The following CNTN1 variants were observed in gnomAD, a reference collection of about 807,000 sequenced individuals.
CNTN1 encodes contactin-1.
In CNTN1, 38 loss-of-function variants were observed where a neutral mutation model predicts 126.4. The ratio of observed to expected loss-of-function variants is 0.30; its 90% CI spans 0.23 to 0.39. The LOEUF is 0.39. CNTN1 is among the 10% of genes least tolerant of loss of function. CNTN1 has a pLI of 1.00. For missense variants in CNTN1, 1,009 were observed against 1,248.4 expected (o/e 0.81, Z 2.89); for synonymous variants, 413 against 422.6 (o/e 0.98, Z 0.28).
chr12:40,693,793 G>A (rs1350575057), intron 1 of CNTN1, among the ~76,000 whole-genome samples: 1 of 152,074 alleles, frequency 6.6e-6, no homozygotes, highest in Non-Finnish European at 1.5e-5. Context: ...GGGGCAAAAG[G>A]GAATCCAATT....
chr12:40,886,722 T>G (rs969434759), intron 1 of CNTN1, among the ~76,000 whole-genome samples: 142 of 152,324 alleles, frequency 9.3e-4, no homozygotes, highest in African/African-American at 3.3e-3. Flanking sequence ...AAGTCTTTAA[T>G]CCATCTTGAA....
intron 1 of CNTN1, among the ~76,000 whole-genome samples, chr12:40,804,914 A>G (rs1940788731): frequency 6.6e-6 from 1 of 151,946 alleles, no homozygotes; most frequent in African/African-American, 2.4e-5. Context: ...TTCACTGCGT[A>G]TCAGATTATG....
chr12:40,764,206 G>T (rs552769424), intron 1 of CNTN1, among the ~76,000 whole-genome samples: 1 of 152,270 alleles, frequency 6.6e-6, no homozygotes, highest in African/African-American at 2.4e-5. Flanking sequence ...GAAGCTATGG[G>T]TTAGGAACGT....
intron 1 of CNTN1, among the ~76,000 whole-genome samples, chr12:40,710,576 G>A (rs61915099): frequency 0.21 from 32,613 of 152,014 alleles, 3,631 homozygotes; most frequent in Middle Eastern, 0.28. Flanking sequence ...TGTAATGTCT[G>A]TGAAGTGCAA....
chr12:40,806,118 A>G (rs1899827), intron 1 of CNTN1, among the ~76,000 whole-genome samples: 102,050 of 151,918 alleles, frequency 0.67, 34,605 homozygotes, highest in East Asian at 0.77. Context: ...TCGGAGTGCA[A>G]GGATAACAGG....
intron 1 of CNTN1, among the ~76,000 whole-genome samples, chr12:40,728,387 C>T (rs1942411495): frequency 6.6e-6 from 1 of 152,064 alleles, no homozygotes; most frequent in African/African-American, 2.4e-5. Flanking sequence ...TGACCATATC[C>T]AGGCAGGAAC....
At chr12:40,911,511 C>T (rs1257594482) in intron 3 of CNTN1, among the ~76,000 whole-genome samples, 1 of 152,208 alleles carries the variant, frequency 6.6e-6, no homozygotes, top group African/African-American at 2.4e-5. Flanking sequence ...CCTATGGCTG[C>T]TTTTTCCAAT....
intron 5 of CNTN1, among the ~76,000 whole-genome samples, chr12:40,923,558 A>AT (rs139900704): frequency 0.012 from 1,882 of 152,062 alleles, 37 homozygotes; most frequent in African/African-American, 0.043. Context: ...AAGACTGTAC[A>AT]TTTTTTTTCC....
intron 1 of CNTN1, among the ~76,000 whole-genome samples, chr12:40,734,706 AT>A: frequency 6.6e-6 from 1 of 152,166 alleles, no homozygotes; most frequent in African/African-American, 2.4e-5. Flanking sequence ...ATATTCTATT[AT>A]CATTACAATT....
intron 1 of CNTN1, among the ~76,000 whole-genome samples, chr12:40,839,038 G>C (rs1942180076): frequency 1.3e-5 from 2 of 152,020 alleles, no homozygotes; most frequent in Admixed American, 6.6e-5. Flanking sequence ...AACAATCCAG[G>C]ATATGAATGA....
At chr12:40,720,572 A>G (rs1165723507) in intron 1 of CNTN1, among the ~76,000 whole-genome samples, 2 of 152,218 alleles carry the variant, frequency 1.3e-5, no homozygotes, top group Non-Finnish European at 2.9e-5. Context: ...TAGATGGATA[A>G]TTGAATGATA....
At chr12:40,755,190 C>CAAAAAAAAAAAAA (rs557970110) in intron 1 of CNTN1, among the ~76,000 whole-genome samples, 14 of 78,206 alleles carry the variant, frequency 1.8e-4, no homozygotes, top group African/African-American at 3.3e-4. Flanking sequence ...GACCCCACCT[C>CAAAAAAAAAAAAA]AAAAAAAAAA....
chr12:40,979,563 T>C (rs960385899), intron 15 of CNTN1, among the ~76,000 whole-genome samples: 1 of 152,034 alleles, frequency 6.6e-6, no homozygotes, highest in Non-Finnish European at 1.5e-5. Context: ...CCTAAATCAA[T>C]TGGGGGTGGA....
intron 15 of CNTN1, among the ~76,000 whole-genome samples, chr12:40,971,234 G>C (rs1209065047): frequency 6.6e-6 from 1 of 152,158 alleles, no homozygotes; most frequent in Non-Finnish European, 1.5e-5. Context: ...TGAGGGAAAG[G>C]TTTTAATTGG....
chr12:40,699,964 C>A (rs2121104997), intron 1 of CNTN1, among the ~76,000 whole-genome samples: 1 of 152,204 alleles, frequency 6.6e-6, no homozygotes, highest in South Asian at 2.1e-4. Flanking sequence ...AAGTCCTGAG[C>A]AATCTAGTAA....
intron 1 of CNTN1, among the ~76,000 whole-genome samples, chr12:40,897,035 A>G (rs1944436550): frequency 1.3e-5 from 2 of 152,232 alleles, no homozygotes; most frequent in African/African-American, 2.4e-5. Context: ...GATGGAGTAC[A>G]TATATCTTAA....
At chr12:40,715,957 G>A (rs1254773866) in intron 1 of CNTN1, among the ~76,000 whole-genome samples, 1 of 152,090 alleles carries the variant, frequency 6.6e-6, no homozygotes, top group Non-Finnish European at 1.5e-5. Flanking sequence ...GAGATGGATA[G>A]AGGATAATAG....
intron 6 of CNTN1, among the ~76,000 whole-genome samples, chr12:40,927,061 A>C (rs1014011894): frequency 3.9e-5 from 6 of 152,002 alleles, no homozygotes; most frequent in South Asian, 2.1e-4. Flanking sequence ...TTTATGATTC[A>C]TCATTCAATA....
intron 1 of CNTN1, among the ~76,000 whole-genome samples, chr12:40,775,545 G>A (rs557471951): frequency 9.3e-5 from 14 of 151,336 alleles, no homozygotes; most frequent in East Asian, 1.9e-4. Context: ...ACTAGGCCAC[G>A]GTTTATCTTT....
Sources: gnomAD v4.1 joint callset for allele counts (sites outside exome capture counted in the v4.1 genomes callset) on GRCh38, gnomAD v4.1.1 for gene constraint, MANE v1.5 for transcripts, NCBI Gene and HGNC (gene_info 2026-07-23, HGNC 2026-07-21) for gene names.